The following MICU1 variants were observed in gnomAD, a reference collection of about 807,000 sequenced individuals.
MICU1 encodes the protein mitochondrial calcium uptake 1, also known as calcium uptake protein 1, mitochondrial.
A neutral mutation model predicts 56.8 loss-of-function variants in MICU1; 45 were observed. The observed-to-expected ratio is 0.79, with a 90% CI of 0.62 to 1.02. MICU1 has a LOEUF of 1.02. Among genes scored for constraint, MICU1 ranks in the 50% least tolerant of loss-of-function variants. The pLI is 0.00. For missense variants in MICU1, 504 were observed against 587.1 expected (o/e 0.86, Z 1.46); for synonymous variants, 186 against 195.1 (o/e 0.95, Z 0.39).
chr10:72,382,767 G>T (rs746121286), intron 10 of MICU1, among the ~76,000 whole-genome samples: 13 of 152,096 alleles, frequency 8.5e-5, no homozygotes, highest in Non-Finnish European at 1.5e-4. Flanking sequence ...AAATTAGCCA[G>T]GCGTGGTGGC....
At chr10:72,371,020 G>C (rs1236900366) in intron 11 of MICU1, among the ~76,000 whole-genome samples, 4 of 151,652 alleles carry the variant, frequency 2.6e-5, no homozygotes, top group African/African-American at 9.7e-5. Flanking sequence ...GACAGAGTCA[G>C]ACTCTGTCTC....
At chr10:72,574,639 C>A in intron 1 of MICU1, among the ~76,000 whole-genome samples, 1 of 151,046 alleles carries the variant, frequency 6.6e-6, no homozygotes, top group East Asian at 1.9e-4. Flanking sequence ...GTATGTCAGT[C>A]TAAAAAAAAG....
In MICU1 at chr10:72,477,162, AG is replaced by A. The variant is rs1213883210; in HGVS notation, c.735+11del. The A allele has an allele frequency of 1.9e-5, 29 of 1,532,620 alleles. No individual in the cohort carries two copies. Among genetic ancestry groups the A allele is most frequent in the Non-Finnish European group, 2.6e-5 (29 of 1,136,520 alleles). The allele number at this position is 1,532,620 out of a possible 1,614,324, so 94.9% of individuals were successfully genotyped here. ...ATTAATGTATTTAGAGGAACTCTCCAGGACAACTTGCCTGTTCAAATTCTTC... is the reference window on the plus strand; with the variant it reads ...ATTAATGTATTTAGAGGAACTCTCCAGACAACTTGCCTGTTCAAATTCTTC... On this transcript the variant is annotated intron_variant, in intron 7 of 11. Transcript: ENST00000361114.
chr10:72,607,823 C>G (rs550857260), intron 1 of MICU1, among the ~76,000 whole-genome samples: 12 of 151,926 alleles, frequency 7.9e-5, no homozygotes, highest in Non-Finnish European at 1.6e-4. Flanking sequence ...TAAGGGGGAA[C>G]AGTTTACTGA....
intron 10 of MICU1, among the ~76,000 whole-genome samples, chr10:72,407,621 G>A (rs193024707): frequency 1.3e-5 from 2 of 152,280 alleles, no homozygotes; most frequent in East Asian, 3.9e-4. Flanking sequence ...TATATATAAT[G>A]ACTCTGGCTC....
At chr10:72,596,872 C>CAAA (rs776770718) in intron 1 of MICU1, among the ~76,000 whole-genome samples, 1 of 76,416 alleles carries the variant, frequency 1.3e-5, no homozygotes. Flanking sequence ...GACCCCGTCT[C>CAAA]AAAAAAAAAA....
chr10:72,410,088 C>G (rs951896919), intron 9 of MICU1, among the ~76,000 whole-genome samples: 1 of 152,198 alleles, frequency 6.6e-6, no homozygotes, highest in Admixed American at 6.5e-5. Context: ...TTAATTTTAT[C>G]TGTTGTGGAA....
intron 6 of MICU1, among the ~76,000 whole-genome samples, chr10:72,479,646 C>T (rs1214176984): frequency 6.6e-6 from 1 of 152,136 alleles, no homozygotes; most frequent in Non-Finnish European, 1.5e-5. Flanking sequence ...CTGCCTCAGC[C>T]TCTGGAGTAG....
intron 4 of MICU1, among the ~76,000 whole-genome samples, chr10:72,543,308 T>C (rs1452367650): frequency 3.3e-5 from 5 of 152,208 alleles, no homozygotes; most frequent in African/African-American, 1.2e-4. Flanking sequence ...TTAAAATACA[T>C]TCCATGTATA....
intron 5 of MICU1, 75 bp downstream of exon 5, chr10:72,533,671 A>G (rs1839550438): frequency 2.7e-6 from 3 of 1,131,334 alleles, no homozygotes; most frequent in Non-Finnish European, 3.8e-6. Context: ...TTTCTCAAAC[A>G]TAACTATAGA....
At chr10:72,586,109 G>T (rs1190859789) in intron 1 of MICU1, among the ~76,000 whole-genome samples, 2 of 137,644 alleles carry the variant, frequency 1.5e-5, no homozygotes, top group Non-Finnish European at 3.0e-5. Flanking sequence ...CTCTCTTCCA[G>T]GCTCAAGCAG....
intron 10 of MICU1, among the ~76,000 whole-genome samples, chr10:72,381,058 T>A (rs1312256660): frequency 3.9e-5 from 6 of 152,122 alleles, no homozygotes; most frequent in Non-Finnish European, 1.5e-5. Flanking sequence ...GAAAAGCACA[T>A]GTAACGAATG....
chr10:72,445,387 T>C (rs1865074335), intron 8 of MICU1, among the ~76,000 whole-genome samples: 1 of 152,194 alleles, frequency 6.6e-6, no homozygotes. Flanking sequence ...TGAAAATCAT[T>C]ATAGTCACAC....
intron 10 of MICU1, among the ~76,000 whole-genome samples, chr10:72,402,491 A>G (rs1863487190): frequency 6.6e-6 from 1 of 152,212 alleles, no homozygotes; most frequent in Non-Finnish European, 1.5e-5. Context: ...ATTGGAGTAT[A>G]TATTCAGGGC....
At chr10:72,385,598 T>C (rs1173858576) in intron 10 of MICU1, among the ~76,000 whole-genome samples, 3 of 152,210 alleles carry the variant, frequency 2.0e-5, no homozygotes, top group African/African-American at 7.2e-5. Context: ...TAAATGTCCC[T>C]ATCTTCAGAA....
intron 10 of MICU1, among the ~76,000 whole-genome samples, chr10:72,377,566 C>G (rs1862566590): frequency 6.6e-6 from 1 of 152,194 alleles, no homozygotes; most frequent in African/African-American, 2.4e-5. Context: ...ATTGGGTTCT[C>G]ATGAAAGACA....
Position 72,417,288 on chromosome 10 carries a change from T to G in MICU1, c.1071+5946A>C, listed in dbSNP as rs12357178. ...TGACATGGTGAAACCCTGTCTCTAC[T>G]AAAAACACACAAAAAATTAGCCAGG... On this transcript the variant is annotated intron_variant, in intron 9 of 11. Transcript: ENST00000361114. Among the ~76,000 whole-genome samples the G allele has an allele frequency of 7.1e-3, 1,075 of 152,014 alleles. 9 individuals carry two copies. Among genetic ancestry groups the G allele is most frequent in the Non-Finnish European group, 0.012 (792 of 67,950 alleles).
intron 10 of MICU1, among the ~76,000 whole-genome samples, chr10:72,388,582 A>G (rs1366520361): frequency 6.6e-6 from 1 of 152,130 alleles, no homozygotes; most frequent in Non-Finnish European, 1.5e-5. Context: ...ATTGTAGGGG[A>G]AAAAAAGGTC....
At chr10:72,556,521 G>A (rs1413197326) in intron 3 of MICU1, among the ~76,000 whole-genome samples, 3 of 151,592 alleles carry the variant, frequency 2.0e-5, no homozygotes, top group Admixed American at 6.6e-5. Context: ...TGTATTTTTA[G>A]TAGAGATGGG....
Sources: gnomAD v4.1 joint callset for allele counts (sites outside exome capture counted in the v4.1 genomes callset) on GRCh38, gnomAD v4.1.1 for gene constraint, MANE v1.5 for transcripts, NCBI Gene and HGNC (gene_info 2026-07-23, HGNC 2026-07-21) for gene names.